CNIH3: variants seen among roughly 807,000 people sequenced by gnomAD.
CNIH3 encodes protein cornichon homolog 3.
In CNIH3, 14 loss-of-function variants were observed where a neutral mutation model predicts 24.1. The observed-to-expected ratio is 0.58, with a 90% CI of 0.38 to 0.91. The LOEUF (loss-of-function observed/expected upper bound fraction) is 0.91. Ranked by LOEUF, CNIH3 falls within the 40% of genes least tolerant of loss-of-function variation. The probability of loss-of-function intolerance (pLI) is 0.00; values close to 1 mark genes in which losing one functional copy is unlikely to be tolerated. For synonymous variants in CNIH3, 68 were observed against 73.8 expected (o/e 0.92, Z 0.40); for missense variants, 178 against 196.8 (o/e 0.90, Z 0.57).
intron 1 of CNIH3, among the ~76,000 whole-genome samples, chr1:224,488,504 A>G (rs1677117402): frequency 6.6e-6 from 1 of 151,448 alleles, no homozygotes; most frequent in South Asian, 2.1e-4. Context: ...TTTGTCATGC[A>G]TGCTGGAGTG....
At chr1:224,534,136 G>A (rs1376448130) in intron 2 of CNIH3, among the ~76,000 whole-genome samples, 1 of 152,198 alleles carries the variant, frequency 6.6e-6, no homozygotes, top group Non-Finnish European at 1.5e-5. Context: ...CTGCACTCTA[G>A]CCTGGGTGAC....
chr1:224,687,165 C>T (rs1233589697), intron 3 of CNIH3, among the ~76,000 whole-genome samples: 10 of 152,206 alleles, frequency 6.6e-5, no homozygotes, highest in African/African-American at 1.9e-4. Flanking sequence ...CTAGCTCCCA[C>T]GGGGAGTAGC....
downstream of CNIH3, among the ~76,000 whole-genome samples, chr1:224,592,504 G>A (rs1681801493): frequency 6.6e-6 from 1 of 152,206 alleles, no homozygotes; most frequent in South Asian, 2.1e-4. Flanking sequence ...ATTTTCAGCA[G>A]AATGCCTGAA....
intron 1 of CNIH3, among the ~76,000 whole-genome samples, chr1:224,479,633 G>A (rs1229706344): frequency 1.3e-5 from 2 of 152,154 alleles, no homozygotes; most frequent in Non-Finnish European, 2.9e-5. Context: ...AGGAGACATT[G>A]GCCAAAACAA....
At chr1:224,701,939 T>C (rs1687513130) in intron 3 of CNIH3, among the ~76,000 whole-genome samples, 1 of 152,178 alleles carries the variant, frequency 6.6e-6, no homozygotes. Flanking sequence ...TGATGCAAAG[T>C]TGATATGAAG....
chr1:224,690,909 G>T (rs777305048), intron 3 of CNIH3, among the ~76,000 whole-genome samples: 1 of 152,072 alleles, frequency 6.6e-6, no homozygotes, highest in Non-Finnish European at 1.5e-5. Flanking sequence ...CACCTGTGTC[G>T]GTTTCTTGTT....
chr1:224,644,113 C>A (rs1006642392), intron 1 of CNIH3, among the ~76,000 whole-genome samples: 17 of 152,240 alleles, frequency 1.1e-4, no homozygotes, highest in African/African-American at 4.1e-4. Flanking sequence ...TGCTCCAGCA[C>A]CTCAGCAGGG....
chr1:224,581,881 G>A (rs921218873), intron 4 of CNIH3, among the ~76,000 whole-genome samples: 6 of 152,168 alleles, frequency 3.9e-5, no homozygotes, highest in Non-Finnish European at 5.9e-5. Context: ...GGGGGATAAG[G>A]AGGACTGTGG....
At chr1:224,585,053 A>T (rs1377291941) in intron 5 of CNIH3, among the ~76,000 whole-genome samples, 1 of 152,108 alleles carries the variant, frequency 6.6e-6, no homozygotes, top group East Asian at 1.9e-4. Flanking sequence ...ACCTCTCTCC[A>T]TTTCCCTCGC....
chr1:224,725,485 G>A (rs879504241), intron 3 of CNIH3, among the ~76,000 whole-genome samples: 5 of 152,218 alleles, frequency 3.3e-5, no homozygotes, highest in Non-Finnish European at 5.9e-5. Flanking sequence ...GATTACAGCT[G>A]TAAAGCTTGT....
intron 3 of CNIH3, among the ~76,000 whole-genome samples, chr1:224,686,811 G>C (rs1442633294): frequency 6.6e-6 from 1 of 152,246 alleles, no homozygotes; most frequent in African/African-American, 2.4e-5. Flanking sequence ...TTGCAGCCCA[G>C]AGCTAAGGGT....
chr1:224,724,653 A>G (rs1248465638), intron 3 of CNIH3, among the ~76,000 whole-genome samples: 1 of 152,230 alleles, frequency 6.6e-6, no homozygotes, highest in Non-Finnish European at 1.5e-5. Context: ...ACCTTAGGGC[A>G]GACACACAGA....
At chr1:224,679,614 G>C (rs1046678306) in intron 1 of CNIH3, among the ~76,000 whole-genome samples, 2 of 152,204 alleles carry the variant, frequency 1.3e-5, no homozygotes, top group Non-Finnish European at 2.9e-5. Flanking sequence ...TAATTATCTG[G>C]CAAGGGATGA....
intron 2 of CNIH3, among the ~76,000 whole-genome samples, chr1:224,542,833 G>C (rs544271405): frequency 1.4e-4 from 21 of 152,272 alleles, no homozygotes; most frequent in Non-Finnish European, 2.9e-4. Context: ...CTCAGATTAT[G>C]ATATTCTCCT....
intron 3 of CNIH3, among the ~76,000 whole-genome samples, chr1:224,601,039 G>T (rs1009500506): frequency 6.6e-6 from 1 of 152,210 alleles, no homozygotes; most frequent in African/African-American, 2.4e-5. Flanking sequence ...AGTGAGAGAT[G>T]GAGGCAAGTT....
In CNIH3 at chr1:224,695,357, AACACACACACACACACACAC is replaced by A. The variant is rs56245587; in HGVS notation, c.198+10533_198+10552del. Among the ~76,000 whole-genome samples the A allele has an allele frequency of 9.1e-3, 1,321 of 145,852 alleles. 10 individuals are homozygous for A. The highest frequency in any genetic ancestry group is 0.012 in the Non-Finnish European group (833 of 66,862). On this transcript the variant is annotated intron_variant, in intron 3 of 5. Transcript: ENST00000272133. ...GTTCCTTAAAATCTCTCTCTTTCTA[AACACACACACACACACACAC>A]ACACACACACACACACACCCCTGTT... is the stretch of plus-strand genomic sequence containing the variant.
At position 224,616,441 on chromosome 1, in the gene CNIH3, A is replaced by G. The variant is rs936410006; in HGVS notation, c.-734A>G. 1 of 993,968 alleles carries G rather than the reference A, an allele frequency of 1.0e-6. No individual in the cohort carries two copies. The highest frequency in any genetic ancestry group is 1.2e-6 in the Non-Finnish European group (1 of 834,460). The allele number at this position is 993,968 out of a possible 1,614,324, so 61.6% of individuals were successfully genotyped here. ...TGGAGTTGGCCCGTTGGGTGGAGCC[A>G]GTGCTCGCCCCGGTCCGACCCCCGG... On this transcript the variant is annotated 5_prime_UTR_variant, in exon 1 of 6. Transcript: ENST00000272133.
chr1:224,475,107 C>A lies in CNIH3; in HGVS notation n.203+40245C>A, dbSNP rs1006599414. The stretch of plus-strand genomic sequence containing the variant: ...GGGCGCGGTGGCTCAGCCTGTAATC[C>A]CAGCACTTTGGAAGGTAGAGGCGGG... On this transcript the variant is annotated intron_variant and non_coding_transcript_variant, in intron 1 of 5. Coordinates refer to the CNIH3 transcript ENST00000471578. Among the ~76,000 whole-genome samples the A allele has an allele frequency of 2.7e-5, 4 of 149,332 alleles. No homozygotes were observed. In the East Asian group the frequency reaches 6.0e-4, roughly 22 times the overall value.
chr1:224,594,113 C>G (rs1038551433), intron 3 of CNIH3, among the ~76,000 whole-genome samples: 3 of 152,168 alleles, frequency 2.0e-5, no homozygotes, highest in African/African-American at 7.2e-5. Flanking sequence ...TAATTAATGC[C>G]ACAGAACTGA....
Sources: gnomAD v4.1 joint callset for allele counts (sites outside exome capture counted in the v4.1 genomes callset) on GRCh38, gnomAD v4.1.1 for gene constraint, MANE v1.5 for transcripts, NCBI Gene and HGNC (gene_info 2026-07-23, HGNC 2026-07-21) for gene names.